The following TBCA variants were observed in gnomAD, a reference collection of about 807,000 sequenced individuals.
The protein encoded by TBCA is tubulin-specific chaperone A.
A neutral mutation model predicts 15.8 loss-of-function variants in TBCA; 6 were observed. The ratio of observed to expected loss-of-function variants is 0.38; its 90% CI spans 0.21 to 0.75. The LOEUF (loss-of-function observed/expected upper bound fraction) is 0.75, where lower values mean the gene tolerates loss of function less well. TBCA is among the 30% of genes least tolerant of loss of function. The pLI is 0.46. For synonymous variants in TBCA, 32 were observed against 42.3 expected (o/e 0.76, Z 0.94); for missense variants, 90 against 131.2 (o/e 0.69, Z 1.53).
chr5:77,724,994 G>T (rs1281277252), intron 1 of TBCA, among the ~76,000 whole-genome samples: 1 of 152,046 alleles, frequency 6.6e-6, no homozygotes, highest in Non-Finnish European at 1.5e-5. Context: ...ATACCTCTCA[G>T]CTCACAACCT....
In TBCA at chr5:77,701,682, CATATATATATATATATATATATATAT is replaced by C. The variant is rs58679612; in HGVS notation, c.159+6534_159+6559del. Among the ~76,000 whole-genome samples, 68 of 50,970 alleles carry C rather than the reference CATATATATATATATATATATATATAT, an allele frequency of 1.3e-3. 1 individual carries two copies. Among genetic ancestry groups the C allele is most frequent in the African/African-American group, 3.1e-3 (41 of 13,136 alleles). 33.4% of individuals were successfully genotyped at this position (50,970 alleles called of 152,430 possible). On this transcript the variant is annotated intron_variant, in intron 2 of 3. Coordinates refer to ENST00000380377, the MANE Select transcript of TBCA (RefSeq NM_004607.3). ...CAACAAGTGGATAAACTGTGGCATG[CATATATATATATATATATATATATAT>C]ATATATATATATATATATGATGGAA...
chr5:77,733,654 AAAG>A (rs1383032304), intron 1 of TBCA, among the ~76,000 whole-genome samples: 1 of 152,236 alleles, frequency 6.6e-6, no homozygotes, highest in African/African-American at 2.4e-5. Context: ...AGGTTTAAGA[AAAG>A]AAGACATCTC....
chr5:77,745,721 T>C (rs1484547408), intron 1 of TBCA, among the ~76,000 whole-genome samples: 1 of 152,224 alleles, frequency 6.6e-6, no homozygotes, highest in African/African-American at 2.4e-5. Flanking sequence ...AGATATTCTA[T>C]AAATACCTGT....
chr5:77,723,276 T>A lies in TBCA; in HGVS notation c.54-14929A>T, dbSNP rs571939778. On this transcript the variant is annotated intron_variant, in intron 1 of 3. Transcript: ENST00000380377. ...TCTTATAAAGTATTACAATTTTTTT[T>A]TAAAAAAAGTAATTTTAAAGTAAGA... 5.7e-4 allele frequency among the ~76,000 whole-genome samples: 86 copies of A among 151,922 alleles called. 1 individual carries two copies. The highest frequency in any genetic ancestry group is 1.3e-3 in the African/African-American group (55 of 41,528).
chr5:77,694,635 T>G (rs2112419621), intron 2 of TBCA, among the ~76,000 whole-genome samples: 1 of 152,246 alleles, frequency 6.6e-6, no homozygotes, highest in African/African-American at 2.4e-5. Flanking sequence ...AAAAAAACAA[T>G]GTTTGGTCAA....
chr5:77,758,988 CG>C lies in TBCA; in HGVS notation c.53+17216del, dbSNP rs548350534. Among the ~76,000 whole-genome samples, 349 of 152,268 alleles carry C rather than the reference CG, an allele frequency of 2.3e-3. 1 individual carries two copies. The highest frequency in any genetic ancestry group is 8.1e-3 in the African/African-American group (338 of 41,566). Reference sequence around the variant, plus strand: ...ACTGCTTCTCCCTGGCACCAACTGCCGATTATCATTTTTAGAGAGGCAGTGG... The same window carrying C: ...ACTGCTTCTCCCTGGCACCAACTGCCATTATCATTTTTAGAGAGGCAGTGG... On this transcript the variant is annotated intron_variant, in intron 1 of 3. Coordinates refer to ENST00000380377, the MANE Select transcript of TBCA (RefSeq NM_004607.3).
intron 1 of TBCA, among the ~76,000 whole-genome samples, chr5:77,754,726 G>A (rs1018735091): frequency 3.9e-5 from 6 of 152,214 alleles, no homozygotes; most frequent in Non-Finnish European, 8.8e-5. Flanking sequence ...CACAACCAAA[G>A]ATCATTCTGG....
At chr5:77,710,406 A>G (rs886113801) in intron 1 of TBCA, among the ~76,000 whole-genome samples, 72 of 152,236 alleles carry the variant, frequency 4.7e-4, no homozygotes, top group African/African-American at 1.7e-3. Context: ...ATCACAAAAG[A>G]TATTTATCTA....
chr5:77,758,754 G>A (rs1257031188), intron 1 of TBCA, among the ~76,000 whole-genome samples: 1 of 152,192 alleles, frequency 6.6e-6, no homozygotes, highest in Non-Finnish European at 1.5e-5. Flanking sequence ...ATGCCTGCCT[G>A]AGGCATTCTT....
chr5:77,703,725 ACAC>A (rs1431414513), intron 2 of TBCA, among the ~76,000 whole-genome samples: 1 of 151,978 alleles, frequency 6.6e-6, no homozygotes. Flanking sequence ...TTTTGGGTGC[ACAC>A]CACCACACCC....
intron 3 of TBCA, chr5:77,691,706 G>C: frequency 7.7e-7 from 1 of 1,303,758 alleles, no homozygotes; most frequent in Admixed American, 3.9e-5. Context: ...TGGTGGTTTT[G>C]TTTCACTGTA....
chr5:77,705,595 G>C (rs973362546), intron 2 of TBCA: 45 of 398,490 alleles, frequency 1.1e-4, no homozygotes, highest in African/African-American at 8.8e-4. Flanking sequence ...TGAGAGGCTG[G>C]GGTGGGAGGA....
intron 1 of TBCA, among the ~76,000 whole-genome samples, chr5:77,730,992 TATA>T (rs758523771): frequency 6.6e-6 from 1 of 152,196 alleles, no homozygotes; most frequent in Non-Finnish European, 1.5e-5. Context: ...TTGTCAATAT[TATA>T]ATAATAACTG....
intron 1 of TBCA, among the ~76,000 whole-genome samples, chr5:77,729,068 C>T (rs1435911157): frequency 1.3e-5 from 2 of 151,986 alleles, no homozygotes; most frequent in Non-Finnish European, 2.9e-5. Flanking sequence ...AATCCCAGCA[C>T]TTTGGGAGGC....
chr5:77,701,009 A>G (rs1334043529), intron 2 of TBCA, among the ~76,000 whole-genome samples: 7 of 152,210 alleles, frequency 4.6e-5, no homozygotes, highest in African/African-American at 1.7e-4. Flanking sequence ...TGGCTTAGGC[A>G]ACGATTTCAT....
chr5:77,716,347 C>T (rs1301206135), intron 1 of TBCA, among the ~76,000 whole-genome samples: 1 of 152,124 alleles, frequency 6.6e-6, no homozygotes, highest in Non-Finnish European at 1.5e-5. Flanking sequence ...AATCTGCTCT[C>T]CTAAAACTTT....
At chr5:77,712,303 G>A (rs915828866) in intron 1 of TBCA, among the ~76,000 whole-genome samples, 1 of 152,114 alleles carries the variant, frequency 6.6e-6, no homozygotes, top group Non-Finnish European at 1.5e-5. Flanking sequence ...AATCAGAAGA[G>A]TGTGATATAG....
At chr5:77,714,207 C>G (rs532131691) in intron 1 of TBCA, among the ~76,000 whole-genome samples, 8 of 152,022 alleles carry the variant, frequency 5.3e-5, no homozygotes, top group Non-Finnish European at 8.8e-5. Context: ...GTAATCCCAG[C>G]TACTTGGGAG....
intron 1 of TBCA, among the ~76,000 whole-genome samples, chr5:77,759,063 G>T (rs254384): frequency 0.85 from 129,510 of 152,088 alleles, 55,680 homozygotes; most frequent in Non-Finnish European, 0.92. Context: ...TCCTGGTGGG[G>T]GGGTAGGTGG....
Sources: gnomAD v4.1 joint callset for allele counts (sites outside exome capture counted in the v4.1 genomes callset) on GRCh38, gnomAD v4.1.1 for gene constraint, MANE v1.5 for transcripts, NCBI Gene and HGNC (gene_info 2026-07-23, HGNC 2026-07-21) for gene names.